Variants in PIAS1 observed in about 807,000 individuals in gnomAD.
PIAS1 encodes the protein protein inhibitor of activated STAT 1.
PIAS1 carries 6 observed loss-of-function variants against 71.3 expected under a neutral mutation model. The ratio of observed to expected loss-of-function variants is 0.08; its 90% CI spans 0.05 to 0.17. The LOEUF is 0.17. Ranked by LOEUF, PIAS1 falls within the 10% of genes least tolerant of loss-of-function variation. The pLI is 1.00. For synonymous variants in PIAS1, 303 were observed against 292.9 expected (o/e 1.03, Z -0.35); for missense variants, 555 against 793.6 (o/e 0.70, Z 3.61).
At chr15:68,134,918 C>A (rs2092713677) in intron 2 of PIAS1, among the ~76,000 whole-genome samples, 1 of 48,178 alleles carries the variant, frequency 2.1e-5, no homozygotes, top group African/African-American at 4.3e-5. Context: ...GCAGGGGTGG[C>A]TGGGCAGAGG....
At chr15:68,079,811 G>A (rs931872729) in intron 1 of PIAS1, among the ~76,000 whole-genome samples, 1 of 151,680 alleles carries the variant, frequency 6.6e-6, no homozygotes, top group Non-Finnish European at 1.5e-5. Context: ...GTACTCCAAT[G>A]TTATAACATT....
intron 7 of PIAS1, chr15:68,153,912 GA>G (rs1370679617): frequency 6.0e-6 from 2 of 331,602 alleles, no homozygotes. Flanking sequence ...AAACATGGAA[GA>G]ATATTATTCT....
At chr15:68,153,405 G>A (rs1449891220) in intron 6 of PIAS1, among the ~76,000 whole-genome samples, 185 bp from the exon 7 acceptor site, 1 of 152,138 alleles carries the variant, frequency 6.6e-6, no homozygotes, top group Non-Finnish European at 1.5e-5. Flanking sequence ...ACAGGTTTAT[G>A]ATCATCTCGG....
At chr15:68,182,550 C>T (rs1469805397) in intron 12 of PIAS1, among the ~76,000 whole-genome samples, 2 of 146,944 alleles carry the variant, frequency 1.4e-5, no homozygotes, top group African/African-American at 5.1e-5. Context: ...GGCTGGAGTG[C>T]AATGGCGCGA....
chr15:68,088,494 A>T (rs74550421), intron 2 of PIAS1, among the ~76,000 whole-genome samples: 4,374 of 152,138 alleles, frequency 0.029, 240 homozygotes, highest in African/African-American at 0.1. Flanking sequence ...TGTTTGTGGT[A>T]TGTATTCACA....
chr15:68,124,104 CTG>C (rs938554463), intron 2 of PIAS1, among the ~76,000 whole-genome samples: 1 of 151,910 alleles, frequency 6.6e-6, no homozygotes, highest in Non-Finnish European at 1.5e-5. Context: ...TCTGTATTGT[CTG>C]AATTTTTATA....
rs541790271 is a variant in PIAS1, at chr15:68,171,578, A to G, written c.1009-2154A>G. Among the ~76,000 whole-genome samples the G allele has an allele frequency of 6.6e-6, 1 of 152,284 alleles. No homozygotes were observed. The highest frequency in any genetic ancestry group is 1.9e-4 in the East Asian group (1 of 5,190). ...TAGGTCCCTCCAGGTTATACTTCTG[A>G]TACTGTAAACTGGCATTGCTCTAGT... On this transcript the variant is annotated intron_variant, in intron 8 of 13. Coordinates refer to ENST00000249636, the MANE Select transcript of PIAS1 (RefSeq NM_016166.3). This position sits in a 1 kb window ranked among gnomAD's most constrained non-coding sequence, Gnocchi z 4.4.
intron 1 of PIAS1, among the ~76,000 whole-genome samples, chr15:68,063,701 A>G (rs2091985110): frequency 6.6e-6 from 1 of 152,190 alleles, no homozygotes; most frequent in African/African-American, 2.4e-5. Context: ...AGAGGTTTTC[A>G]AAGTCTATTT....
In PIAS1 at chr15:68,190,442, C is replaced by T. The variant is rs2093113869; in HGVS notation, c.*2607C>T. ...GTAGAGTCCTGTACTATGTCTGTAA[C>T]TACTAAGTTTAAAGAAAAGCACATA... On this transcript the variant is annotated 3_prime_UTR_variant, in exon 14 of 14. Transcript: ENST00000249636. The surrounding 1 kb of genome is among the most constrained non-coding windows in gnomAD (Gnocchi z 4.7). 6.6e-6 allele frequency: 1 copy of T among 152,172 alleles called. No individual in the cohort carries two copies. The highest frequency in any genetic ancestry group is 6.6e-5 in the Admixed American group (1 of 15,266). The allele number at this position is 152,172 out of a possible 1,614,324, so 9.4% of individuals were successfully genotyped here.
At chr15:68,084,212 A>G (rs531118197) in intron 1 of PIAS1, among the ~76,000 whole-genome samples, 1 of 152,292 alleles carries the variant, frequency 6.6e-6, no homozygotes, top group Admixed American at 6.5e-5. Flanking sequence ...ATTTAGGAGA[A>G]TGGAGTTGAA....
In PIAS1 at chr15:68,192,376, G is replaced by C. The variant is rs1364468083; in HGVS notation, c.*4541G>C. On this transcript the variant is annotated 3_prime_UTR_variant, in exon 14 of 14. Transcript: ENST00000249636. Reference sequence around the variant, plus strand: ...GCAGCCCCAGAAATTCTGCATTTCTGTTTTTGTATTCTTAAGGCAGCCAAA... The same window carrying C: ...GCAGCCCCAGAAATTCTGCATTTCTCTTTTTGTATTCTTAAGGCAGCCAAA... The C allele has an allele frequency of 6.6e-6, 1 of 152,186 alleles. No homozygotes were observed. Among genetic ancestry groups the C allele is most frequent in the Non-Finnish European group, 1.5e-5 (1 of 68,064 alleles). The allele number at this position is 152,186 out of a possible 1,614,324, so 9.4% of individuals were successfully genotyped here. A position where few individuals can be genotyped will look rare whatever the true frequency, so the allele number is the denominator to read the frequency against.
At chr15:68,142,062 G>T in intron 3 of PIAS1, 32 bp downstream of exon 3, 1 of 1,413,594 alleles carries the variant, frequency 7.1e-7, no homozygotes, top group South Asian at 1.2e-5. Context: ...CTTGAAGTTT[G>T]ACCTTTGAAT....
chr15:68,144,296 A>T (rs1331558147), intron 4 of PIAS1, among the ~76,000 whole-genome samples: 3 of 152,114 alleles, frequency 2.0e-5, no homozygotes, highest in African/African-American at 7.2e-5. Flanking sequence ...AGAAATGTTT[A>T]TCTAAAGCAT....
At chr15:68,076,112 G>A (rs1188213158) in intron 1 of PIAS1, among the ~76,000 whole-genome samples, 6 of 152,116 alleles carry the variant, frequency 3.9e-5, no homozygotes, top group African/African-American at 1.4e-4. Context: ...ATTTGTGTAC[G>A]TCTTTTTAAA....
chr15:68,144,121 A>G (rs75667369), intron 4 of PIAS1, among the ~76,000 whole-genome samples: 6 of 74,674 alleles, frequency 8.0e-5, no homozygotes, highest in Admixed American at 1.1e-4. Flanking sequence ...AGGACTTGGA[A>G]AAAAAAAAAA....
chr15:68,125,325 C>A (rs917506663), intron 2 of PIAS1, among the ~76,000 whole-genome samples: 5 of 152,146 alleles, frequency 3.3e-5, no homozygotes, highest in Non-Finnish European at 7.4e-5. Flanking sequence ...AACTGATACT[C>A]TGCTAAACCC....
chr15:68,065,035 G>T (rs1213235434), intron 1 of PIAS1, among the ~76,000 whole-genome samples: 1 of 151,978 alleles, frequency 6.6e-6, no homozygotes, highest in Admixed American at 6.5e-5. Context: ...GAGACACCAT[G>T]CCCAGCTATT....
chr15:68,122,296 A>C (rs561603518), intron 2 of PIAS1, among the ~76,000 whole-genome samples: 1 of 152,332 alleles, frequency 6.6e-6, no homozygotes, highest in African/African-American at 2.4e-5. Context: ...ATAAACAAAC[A>C]AAACCCTTAT....
intron 2 of PIAS1, among the ~76,000 whole-genome samples, chr15:68,105,829 T>G (rs1417540602): frequency 6.6e-6 from 1 of 152,046 alleles, no homozygotes; most frequent in East Asian, 1.9e-4. Flanking sequence ...TTTAAATAAA[T>G]AACTAACAGT....
Sources: allele counts gnomAD v4.1 joint callset (sites outside exome capture counted in the v4.1 genomes callset), GRCh38; gene constraint gnomAD v4.1.1; non-coding constraint Gnocchi (gnomAD v3.1); transcripts MANE v1.5; gene names NCBI Gene and HGNC (gene_info 2026-07-23, HGNC 2026-07-21).